LRRC18: variants seen among roughly 807,000 people sequenced by gnomAD.
The protein encoded by LRRC18 is leucine rich repeat containing 18, also known as leucine-rich repeat-containing protein 18.
In LRRC18, 12 loss-of-function variants were observed where a neutral mutation model predicts 11.2. The ratio of observed to expected loss-of-function variants is 1.07; its 90% CI spans 0.69 to 1.74. The LOEUF (loss-of-function observed/expected upper bound fraction) is 1.74. Ranked by LOEUF, LRRC18 falls within the 40% of genes most tolerant of loss-of-function variation. The probability of loss-of-function intolerance (pLI) is 0.00; values close to 1 mark genes in which losing one functional copy is unlikely to be tolerated. For synonymous variants in LRRC18, 155 were observed against 130.6 expected (o/e 1.19, Z -1.27); for missense variants, 374 against 330.5 (o/e 1.13, Z -1.02).
At chr10:48,919,059 A>G (rs575948145), upstream of LRRC18, among the ~76,000 whole-genome samples, 328 of 152,292 alleles carry the variant, frequency 2.2e-3, 1 homozygote, top group African/African-American at 7.7e-3. Flanking sequence ...ACTAACACAG[A>G]CTATATTTTG....
intron 1 of LRRC18, 115 bp downstream of exon 3, chr10:48,913,277 G>A (rs2663055): frequency 0.38 from 365,680 of 972,950 alleles, 74,940 homozygotes; most frequent in Non-Finnish European, 0.43. Context: ...TATGGGCTTG[G>A]CTGAAAGAGC....
At position 48,910,603 on chromosome 10, in the gene LRRC18, G is replaced by C. The variant is rs182804448; in HGVS notation, c.765-345C>G. On this transcript the variant is annotated intron_variant, in intron 1 of 1. Coordinates refer to ENST00000374160, the Ensembl canonical transcript of LRRC18. The stretch of plus-strand genomic sequence containing the variant: ...TCCAGTCTGCTTCGTCCTGCTGCCA[G>C]CATTTCCTGGCTAAAGAGGTGTCTG... 1.6e-3 allele frequency among the ~76,000 whole-genome samples: 251 copies of C among 152,304 alleles called. 2 individuals carry two copies. The highest frequency in any genetic ancestry group is 9.6e-4 in the East Asian group (5 of 5,188).
At chr10:48,914,189 G>T (rs375199003) in exon 1 of LRRC18, 7 of 1,589,082 alleles carry the variant, frequency 4.4e-6, no homozygotes, top group East Asian at 4.5e-5. Flanking sequence ...GAAGTTTATT[G>T]TTCTGATTGG....
the LRRC18 span, among the ~76,000 whole-genome samples, chr10:48,938,736 T>G: frequency 6.6e-6 from 1 of 152,058 alleles, no homozygotes; most frequent in Non-Finnish European, 1.5e-5. Flanking sequence ...AGGACAGAGA[T>G]TTGGTTAAAA....
chr10:48,916,286 A>G (rs1838523353), upstream of LRRC18, among the ~76,000 whole-genome samples: 1 of 152,352 alleles, frequency 6.6e-6, no homozygotes, highest in Admixed American at 6.5e-5. Context: ...ATTTCCAACA[A>G]GAGCCTCTCT....
At chr10:48,916,659 A>C (rs1015638495), upstream of LRRC18, among the ~76,000 whole-genome samples, 3 of 152,218 alleles carry the variant, frequency 2.0e-5, no homozygotes, top group African/African-American at 7.2e-5. Flanking sequence ...GGAGCCACAG[A>C]GTTCAGAGAG....
upstream of LRRC18, among the ~76,000 whole-genome samples, chr10:48,916,871 A>ATGTG (rs55891907): frequency 2.4e-3 from 361 of 149,382 alleles, 4 homozygotes; most frequent in East Asian, 0.023. Context: ...CTTTAAAAAT[A>ATGTG]TGTGTGTGTG....
At chr10:48,913,956 T>TCTCCTGTTC (rs758169821) in exon 1 of LRRC18, 1 of 1,613,892 alleles carries the variant, frequency 6.2e-7, no homozygotes, top group South Asian at 1.1e-5. Flanking sequence ...GGAGATGGAG[T>TCTCCTGTTC]CAGGGATCTT....
the LRRC18 span, among the ~76,000 whole-genome samples, chr10:48,936,908 A>G: frequency 3.3e-3 from 481 of 143,898 alleles, 7 homozygotes; most frequent in African/African-American, 0.011. Flanking sequence ...GTAACTTTGT[A>G]TTGTATAAAC....
chr10:48,928,994 T>C, the LRRC18 span, among the ~76,000 whole-genome samples: 3 of 151,970 alleles, frequency 2.0e-5, no homozygotes, highest in African/African-American at 7.3e-5. Context: ...ATGACAGGTG[T>C]GATGGATGTT....
At chr10:48,932,670 G>T in the LRRC18 span, 1 of 150,210 alleles carries the variant, frequency 6.7e-6, no homozygotes, top group Non-Finnish European at 1.5e-5. Context: ...GGGAGAGAGA[G>T]AGAAAAAAAA....
the LRRC18 span, among the ~76,000 whole-genome samples, chr10:48,935,473 G>A: frequency 2.6e-5 from 4 of 152,316 alleles, no homozygotes; most frequent in Admixed American, 1.3e-4. Context: ...ACGGCCAAGC[G>A]GATGTGGCTA....
chr10:48,913,976 A>G, exon 1 of LRRC18: 3 of 1,614,154 alleles, frequency 1.9e-6, no homozygotes, highest in Non-Finnish European at 2.5e-6. Flanking sequence ...TCCTGATAAG[A>G]TTCCGGCTAA....
upstream of LRRC18, among the ~76,000 whole-genome samples, chr10:48,915,490 CT>C (rs1241116604): frequency 6.6e-6 from 1 of 152,052 alleles, no homozygotes; most frequent in Non-Finnish European, 1.5e-5. Context: ...TGCATTGCCT[CT>C]GTTCCCTGCA....
chr10:48,931,694 C>G, the LRRC18 span, among the ~76,000 whole-genome samples: 56 of 152,314 alleles, frequency 3.7e-4, no homozygotes, highest in Admixed American at 2.4e-3. Flanking sequence ...TCAGAAAATG[C>G]TGCAATGTCT....
chr10:48,913,243 C>A (rs190862667), intron 1 of LRRC18, 149 bp downstream of exon 3: 4 of 746,162 alleles, frequency 5.4e-6, no homozygotes, highest in East Asian at 4.9e-5. Flanking sequence ...CAATCACACG[C>A]CGAGAAAGTA....
Position 48,914,221 on chromosome 10 carries a change from AATC to A in LRRC18, c.-69_-67del. 6.6e-7 allele frequency: 1 copy of A among 1,509,712 alleles called. No homozygotes were observed. Among genetic ancestry groups the A allele is most frequent in the Non-Finnish European group, 8.9e-7 (1 of 1,125,332 alleles). 93.5% of individuals were successfully genotyped at this position (1,509,712 alleles called of 1,614,324 possible). ...TTGGATAGTGATCAGTGTGAGGAAA[AATC>A]ATGAAAAACTGCTGAAAGATAAGAA... is the stretch of plus-strand genomic sequence containing the variant. On this transcript the variant is annotated 5_prime_UTR_variant, in exon 1 of 2. It removes an upstream start codon present in the reference 5' UTR. Transcript: ENST00000374160.
the LRRC18 span, among the ~76,000 whole-genome samples, chr10:48,938,390 C>T: frequency 0.01 from 1,599 of 152,336 alleles, 26 homozygotes; most frequent in African/African-American, 0.036. Context: ...GAGGGTGCAG[C>T]CTTTAGCCAG....
the LRRC18 span, chr10:48,935,094 A>T: frequency 5.9e-5 from 9 of 152,390 alleles, no homozygotes; most frequent in African/African-American, 2.2e-4. Context: ...GGGGAGAAAG[A>T]GAAAAAGTAG....
Sources: gnomAD v4.1 joint callset for allele counts (sites outside exome capture counted in the v4.1 genomes callset) on GRCh38, gnomAD v4.1.1 for gene constraint, MANE v1.5 for transcripts, NCBI Gene and HGNC (gene_info 2026-07-23, HGNC 2026-07-21) for gene names.